LARGE1: variants seen among roughly 807,000 people sequenced by gnomAD.
The protein encoded by LARGE1 is LARGE xylosyl- and glucuronyltransferase 1.
Under a neutral mutation model 87.6 loss-of-function variants are expected in LARGE1, and 43 were observed. That is an observed-to-expected ratio of 0.49 (90% CI 0.38 to 0.63). LARGE1 has a LOEUF of 0.63. Among genes scored for constraint, LARGE1 ranks in the 30% least tolerant of loss-of-function variants. The pLI is 0.00. For missense variants in LARGE1, 802 were observed against 1,000.2 expected (o/e 0.80, Z 2.67); for synonymous variants, 434 against 394.6 (o/e 1.10, Z -1.18).
intron 2 of LARGE1, among the ~76,000 whole-genome samples, chr22:33,719,824 T>A (rs948389499): frequency 6.6e-6 from 1 of 152,156 alleles, no homozygotes; most frequent in African/African-American, 2.4e-5. Flanking sequence ...CTGGCTCATC[T>A]ATACCATATT....
At chr22:33,324,687 G>T (rs1465396267) in intron 10 of LARGE1, among the ~76,000 whole-genome samples, 1 of 152,202 alleles carries the variant, frequency 6.6e-6, no homozygotes, top group Non-Finnish European at 1.5e-5. Context: ...TATACCTGAG[G>T]ATCCAGAGGG....
At chr22:33,271,821 A>G (rs972633205), downstream of LARGE1, among the ~76,000 whole-genome samples, 4 of 152,218 alleles carry the variant, frequency 2.6e-5, no homozygotes, top group South Asian at 2.1e-4. Flanking sequence ...GCATCCGCCA[A>G]TGTCTGAGCT....
At chr22:33,651,223 T>TAAAAAAAAAAAAAAAAAAAA (rs1371688457) in intron 2 of LARGE1, among the ~76,000 whole-genome samples, 24 of 17,156 alleles carry the variant, frequency 1.4e-3, no homozygotes, top group Non-Finnish European at 2.1e-3. Context: ...CTACTAAAAA[T>TAAAAAAAAAAAAAAAAAAAA]ACAAAAAAAA....
intron 6 of LARGE1, among the ~76,000 whole-genome samples, chr22:33,457,293 C>CTTTTTTTTTTTTTTTTTGTTTTTT (rs2068172926): frequency 1.3e-5 from 1 of 74,922 alleles, no homozygotes; most frequent in Non-Finnish European, 2.5e-5. Context: ...ACGCCTGGCT[C>CTTTTTTTTTTTTTTTTTGTTTTTT]TTTTTTTTTT....
In LARGE1 at chr22:33,396,625, A is replaced by G. The variant is rs2065755737; in HGVS notation, c.893-12321T>C. Among the ~76,000 whole-genome samples, 3 of 152,182 alleles carry G rather than the reference A, an allele frequency of 2.0e-5. No homozygotes were observed. The South Asian group carries it at 6.2e-4, about 32-fold the overall frequency. ...GGTCATTCACTCACTCATTCATTCAATAAATATATATTTTAGCAACACAGA... is the reference window on the plus strand; with the variant it reads ...GGTCATTCACTCACTCATTCATTCAGTAAATATATATTTTAGCAACACAGA... On this transcript the variant is annotated intron_variant, in intron 7 of 14. Transcript: ENST00000397394.
intron 2 of LARGE1, among the ~76,000 whole-genome samples, chr22:33,711,265 CA>C (rs1265996241): frequency 6.6e-6 from 1 of 152,164 alleles, no homozygotes; most frequent in Non-Finnish European, 1.5e-5. Context: ...GCGAAGCGTC[CA>C]GGGGGTCTGC....
At chr22:33,587,462 T>A (rs770540398) in intron 5 of LARGE1, among the ~76,000 whole-genome samples, 1 of 152,166 alleles carries the variant, frequency 6.6e-6, no homozygotes, top group Non-Finnish European at 1.5e-5. Flanking sequence ...CTATATAAAA[T>A]CTTATTTTCT....
the LARGE1 span, among the ~76,000 whole-genome samples, chr22:33,113,964 G>A: frequency 3.3e-5 from 5 of 150,980 alleles, 1 homozygote; most frequent in South Asian, 4.2e-4. Context: ...TCCGCCTCCC[G>A]GGTTCACGCC....
At chr22:33,861,028 G>A (rs1359808288) in intron 1 of LARGE1, among the ~76,000 whole-genome samples, 1 of 152,174 alleles carries the variant, frequency 6.6e-6, no homozygotes, top group African/African-American at 2.4e-5. Flanking sequence ...GAATCTCAGG[G>A]TGGGCAACGC....
chr22:33,263,031 T>C (rs1173498304), intron 11 of LARGE1, among the ~76,000 whole-genome samples: 1 of 151,976 alleles, frequency 6.6e-6, no homozygotes, highest in Non-Finnish European at 1.5e-5. Context: ...CAGCTGCGAT[T>C]ACAGGCACGC....
rs73409049 is a variant in LARGE1 at position 33,483,971 on chromosome 22, T to C, written c.788-51706A>G. On this transcript the variant is annotated intron_variant, in intron 6 of 14. Coordinates refer to ENST00000397394, the MANE Select transcript of LARGE1 (RefSeq NM_133642.5). ...GATGCGTGACCTTGACGGCCGGAAG[T>C]TTAGACTTTCTGGGAATCCTTGAGC... Among the ~76,000 whole-genome samples the C allele has an allele frequency of 5.8e-3, 878 of 152,152 alleles. 3 individuals carry two copies. The highest frequency in any genetic ancestry group is 0.019 in the African/African-American group (804 of 41,496).
intron 6 of LARGE1, among the ~76,000 whole-genome samples, chr22:33,439,522 C>G (rs1262123288): frequency 1.3e-5 from 2 of 152,136 alleles, no homozygotes; most frequent in African/African-American, 4.8e-5. Flanking sequence ...GAGCTTCCCT[C>G]TCTCTGCCAC....
upstream of LARGE1, among the ~76,000 whole-genome samples, chr22:33,920,937 G>GTCCGGGC (rs934793754): frequency 5.6e-4 from 83 of 148,608 alleles, 1 homozygote; most frequent in Middle Eastern, 6.8e-3. Context: ...GGGCGCTGGG[G>GTCCGGGC]TCCGGGCTCC....
At chr22:33,739,202 T>C (rs895915082) in intron 2 of LARGE1, among the ~76,000 whole-genome samples, 2 of 151,070 alleles carry the variant, frequency 1.3e-5, no homozygotes, top group African/African-American at 4.9e-5. Context: ...AGAAACTTGA[T>C]GGGCGCTGAG....
In LARGE1 at chr22:33,674,017, C is replaced by T. The variant is rs1287220148; in HGVS notation, c.107-23349G>A. 2.0e-5 allele frequency among the ~76,000 whole-genome samples: 3 copies of T among 151,852 alleles called. No homozygotes were observed. In the East Asian group the frequency reaches 5.8e-4, roughly 29 times the overall value. ...AGAGATGGGGTTTTGCCATGTTGGCCAGGCTGGTCTTGAACTCCCGACCTC... is the reference window on the plus strand; with the variant it reads ...AGAGATGGGGTTTTGCCATGTTGGCTAGGCTGGTCTTGAACTCCCGACCTC... On this transcript the variant is annotated intron_variant, in intron 2 of 14. Coordinates refer to ENST00000397394, the MANE Select transcript of LARGE1 (RefSeq NM_133642.5).
chr22:33,650,665 C>A lies in LARGE1; in HGVS notation c.110G>T (p.Gly37Val). The change falls in exon 3 of 15, where the codon GGA becomes GTA. Residue 37 changes from glycine (G) to valine (V), a missense_variant. Physicochemically the swap from Gly to Val is moderately radical, Grantham distance 109. Around this residue, in one of 2 missense-constraint regions of LARGE1, gnomAD observed 177 missense variants for 158.3 expected, o/e 1.12. Coordinates refer to ENST00000397394, the MANE Select transcript of LARGE1 (RefSeq NM_133642.5). ...CAGCGGTGACAGAGACACGGGCTTT[C>A]CATCTGGGGAGCGAAACACCAGGGA... Reference protein sequence around the residue: ...IYLFSGSFEDGKPVSLSPLES... With the variant: ...IYLFSGSFEDVKPVSLSPLES... The A allele has an allele frequency of 6.2e-7, 1 of 1,600,098 alleles. No homozygotes were observed. The highest frequency in any genetic ancestry group is 2.2e-5 in the East Asian group (1 of 44,868).
chr22:33,876,705 C>T (rs1018403343), intron 1 of LARGE1, among the ~76,000 whole-genome samples: 8 of 151,932 alleles, frequency 5.3e-5, no homozygotes, highest in Non-Finnish European at 7.4e-5. Context: ...CTAATGCATG[C>T]AGGGCTTAAC....
At chr22:33,551,008 G>T (rs1397390093) in intron 6 of LARGE1, among the ~76,000 whole-genome samples, 13 of 152,084 alleles carry the variant, frequency 8.5e-5, no homozygotes, top group Non-Finnish European at 1.5e-5. Flanking sequence ...TGTACACATG[G>T]ATGTAGAGAG....
At chr22:33,311,051 C>T (rs1429086529) in intron 11 of LARGE1, among the ~76,000 whole-genome samples, 1 of 151,932 alleles carries the variant, frequency 6.6e-6, no homozygotes, top group Non-Finnish European at 1.5e-5. Context: ...AGCTCCGCCT[C>T]CCGGGTTCAC....
Sources: gnomAD v4.1 joint callset for allele counts (sites outside exome capture counted in the v4.1 genomes callset) on GRCh38, gnomAD v4.1.1 for gene constraint, gnomAD v4.1.1 regional missense constraint, MANE v1.5 for transcripts, NCBI Gene and HGNC (gene_info 2026-07-23, HGNC 2026-07-21) for gene names.